NUP107: variants seen among roughly 807,000 people sequenced by gnomAD.
NUP107 encodes nucleoporin 107.
In NUP107, 101 loss-of-function variants were observed where a neutral mutation model predicts 141.0. The observed-to-expected ratio is 0.72, with a 90% CI of 0.61 to 0.84. The LOEUF is 0.84. Among genes scored for constraint, NUP107 ranks in the 40% least tolerant of loss-of-function variants. The pLI is 0.00. For synonymous variants in NUP107, 319 were observed against 363.9 expected, an observed-to-expected ratio of 0.88 and a Z score of 1.41; for missense variants, 941 against 1,102.7, an observed-to-expected ratio of 0.85 and a Z score of 2.08.
At chr12:68,691,918 C>T (rs372658749) in intron 4 of NUP107, 50 bp from the exon 5 acceptor site, 178 of 1,465,358 alleles carry the variant, frequency 1.2e-4, no homozygotes, top group Middle Eastern at 3.6e-4. Context: ...CACTCAGTGA[C>T]AATAACTCCA....
At chr12:68,710,228 CAAAT>C (rs1012467129) in intron 10 of NUP107, 135 bp downstream of exon 10, 161 of 535,012 alleles carry the variant, frequency 3.0e-4, no homozygotes, top group African/African-American at 2.8e-3. Flanking sequence ...GTGAGCAAAA[CAAAT>C]AAAGGCTTTG....
rs200533311 is a variant in NUP107 at position 68,734,731 on chromosome 12, G to A, written c.2286G>A (p.Glu762=). 2 of 1,601,444 alleles carry A rather than the reference G, an allele frequency of 1.2e-6. No individual in the cohort carries two copies. Among genetic ancestry groups the A allele is most frequent in the Non-Finnish European group, 1.7e-6 (2 of 1,174,892 alleles). Residue 762 remains glutamate, a synonymous_variant, in exon 25 of 28, where the codon GAG becomes GAA. Transcript: ENST00000229179. ...AYLEAHETFN[E]WFKHMNSVPQ... ...AGGAAGCCCATGAAACCTTTAATGAGTGGTTTAAGCATATGAATTCAGTTC... is the reference window on the plus strand; with the variant it reads ...AGGAAGCCCATGAAACCTTTAATGAATGGTTTAAGCATATGAATTCAGTTC...
At chr12:68,715,940 A>G (rs1290864227) in intron 12 of NUP107, among the ~76,000 whole-genome samples, 200 bp downstream of exon 12, 2 of 151,986 alleles carry the variant, frequency 1.3e-5, no homozygotes, top group Admixed American at 6.5e-5. Flanking sequence ...AGTTTGTACA[A>G]CTCTAATTAA....
chr12:68,705,220 A>G (rs576194032), intron 8 of NUP107, among the ~76,000 whole-genome samples: 1 of 152,224 alleles, frequency 6.6e-6, no homozygotes, highest in South Asian at 2.1e-4. Context: ...AGACTGTCAT[A>G]TTTGGCTATT....
rs544572929 is a variant in NUP107, at chr12:68,722,033, C to T, written c.1457+47C>T. The stretch of plus-strand genomic sequence containing the variant: ...GAGTCATGGTGATTTGTAGCATGCT[C>T]TTTGATGTTTCGTTTTACACCCCTT... On this transcript the variant is annotated intron_variant, in intron 16 of 27. Coordinates refer to ENST00000229179, the MANE Select transcript of NUP107 (RefSeq NM_020401.4). 9 of 1,611,396 alleles carry T rather than the reference C, an allele frequency of 5.6e-6. No individual in the cohort carries two copies. The Admixed American group carries it at 1.3e-4, about 24-fold the overall frequency.
rs192826492 is a variant in NUP107 at position 68,728,658 on chromosome 12, C to T, written c.1734+1269C>T. Among the ~76,000 whole-genome samples the T allele has an allele frequency of 5.3e-5, 8 of 151,026 alleles. No homozygotes were observed. The East Asian group carries it at 1.6e-3, about 30-fold the overall frequency. The stretch of plus-strand genomic sequence containing the variant: ...AACGCCTGACCTCATGATCCACCCC[C>T]CTCAGTCTCCCAAAGAGCTGGGATT... On this transcript the variant is annotated intron_variant, in intron 20 of 27. Transcript: ENST00000229179.
intron 17 of NUP107, among the ~76,000 whole-genome samples, chr12:68,723,285 G>A (rs1029219361): frequency 4.6e-5 from 7 of 152,074 alleles, no homozygotes; most frequent in Non-Finnish European, 1.0e-4. Flanking sequence ...TGGGAGGATC[G>A]TGGCTTCAGT....
Position 68,713,750 on chromosome 12 carries a change from T to G in NUP107, c.911T>G (p.Leu304Ter). ...TTCAGGGAAAATACTCTGCATACCT[T>G]AAAACAACGGCAGCTGACTTCTTAC... ...SVYWENTLHT[L>*]KQRQLTSYVG... The change falls in exon 11 of 28, where the codon TTA (leucine) becomes TGA (stop). Residue 304 changes from leucine (L) to a stop codon, truncating the protein, a stop_gained. Transcript: ENST00000229179. LOFTEE classifies it high-confidence loss of function. 6.2e-7 allele frequency: 1 copy of G among 1,607,786 alleles called. No homozygotes were observed. Among genetic ancestry groups the G allele is most frequent in the Non-Finnish European group, 8.5e-7 (1 of 1,177,954 alleles).
At chr12:68,687,404 C>T in intron 1 of NUP107, 2 of 1,095,748 alleles carry the variant, frequency 1.8e-6, no homozygotes, top group Non-Finnish European at 2.3e-6. Context: ...CCTGAGATCA[C>T]AAAGCCAGTC....
At chr12:68,730,214 CTTTT>C (rs756700880) in intron 20 of NUP107, among the ~76,000 whole-genome samples, 7 of 85,374 alleles carry the variant, frequency 8.2e-5, no homozygotes, top group Admixed American at 3.6e-4. Flanking sequence ...GTGATACTAC[CTTTT>C]TTTTTTTTTT....
At chr12:68,707,938 A>T (rs1479599269) in intron 8 of NUP107, among the ~76,000 whole-genome samples, 2 of 152,120 alleles carry the variant, frequency 1.3e-5, no homozygotes, top group Non-Finnish European at 2.9e-5. Flanking sequence ...TCTACTAAAA[A>T]TACAAAAATT....
chr12:68,701,209 T>C (rs1199055363), intron 7 of NUP107, among the ~76,000 whole-genome samples: 1 of 152,212 alleles, frequency 6.6e-6, no homozygotes, highest in Non-Finnish European at 1.5e-5. Flanking sequence ...CATGTACATA[T>C]CCTTGAATCT....
intron 11 of NUP107, among the ~76,000 whole-genome samples, chr12:68,714,862 G>A (rs1227140122): frequency 1.3e-5 from 2 of 152,134 alleles, no homozygotes; most frequent in African/African-American, 4.8e-5. Flanking sequence ...CCCAAAATAG[G>A]TCTTAATAGG....
chr12:68,718,174 T>C (rs1171305119), intron 12 of NUP107, among the ~76,000 whole-genome samples: 1 of 152,184 alleles, frequency 6.6e-6, no homozygotes. Context: ...CAGAGATGGA[T>C]ACAAGAAGCT....
intron 12 of NUP107, among the ~76,000 whole-genome samples, chr12:68,716,786 A>G (rs1287397079): frequency 2.0e-5 from 3 of 152,146 alleles, no homozygotes; most frequent in African/African-American, 7.2e-5. Context: ...ATTATGTTGT[A>G]CTTGGTTTAC....
rs1876613607 is a variant in NUP107, at chr12:68,706,978, C to A, written c.730-2260C>A. 6.3e-6 allele frequency: 4 copies of A among 637,660 alleles called. No individual in the cohort carries two copies. The Admixed American group carries it at 1.0e-4, about 16-fold the overall frequency. The allele number at this position is 637,660 out of a possible 1,614,324, so 39.5% of individuals were successfully genotyped here. A position where few individuals can be genotyped will look rare whatever the true frequency, so the allele number is the denominator to read the frequency against. ...GCTCTGGTGCGGGCTCCAGTTCCTT[C>A]AGCTGCACCAGCTCCACCAGGGCTG... On this transcript the variant is annotated intron_variant, in intron 8 of 27. Transcript: ENST00000229179.
chr12:68,690,764 G>T lies in NUP107; in HGVS notation c.303+18G>T. ...TCTCCATGGTATGTAGAAAAATAGG[G>T]CTAAGAACTCCTTTTGGGTCGAGTG... is the stretch of plus-strand genomic sequence containing the variant. On this transcript the variant is annotated intron_variant, in intron 4 of 27. Transcript: ENST00000229179. 3 of 1,612,966 alleles carry T rather than the reference G, an allele frequency of 1.9e-6. No homozygotes were observed. Among genetic ancestry groups the T allele is most frequent in the African/African-American group, 1.3e-5 (1 of 74,972 alleles).
chr12:68,725,844 T>TTG lies in NUP107; in HGVS notation c.1576+49_1576+50insGT, dbSNP rs72496432. 7,211 of 1,067,250 alleles carry TTG rather than the reference T, an allele frequency of 6.8e-3. 356 individuals carry two copies. The African/African-American group carries it at 0.11, about 16-fold the overall frequency. The allele number at this position is 1,067,250 out of a possible 1,614,324, so 66.1% of individuals were successfully genotyped here. On this transcript the variant is annotated intron_variant, in intron 18 of 27. Transcript: ENST00000229179. ...TTTGTGTTTTTTGTGTGTGTTTTTT[T>TTG]TTTTTTTTTTGAGACAAAGTCTCAC...
chr12:68,699,173 C>T (rs563554848), intron 6 of NUP107, among the ~76,000 whole-genome samples: 1 of 152,210 alleles, frequency 6.6e-6, no homozygotes, highest in Admixed American at 6.6e-5. Flanking sequence ...GAGTTCAACA[C>T]CAGCCTGGCC....
Sources: gnomAD v4.1 joint callset for allele counts (sites outside exome capture counted in the v4.1 genomes callset) on GRCh38, gnomAD v4.1.1 for gene constraint, MANE v1.5 for transcripts, NCBI Gene and HGNC (gene_info 2026-07-23, HGNC 2026-07-21) for gene names.